KNL1: variants seen among roughly 807,000 people sequenced by gnomAD.
KNL1 encodes outer kinetochore KNL1 complex subunit KNL1.
Under a neutral mutation model 201.3 loss-of-function variants are expected in KNL1, and 66 were observed. That is an observed-to-expected ratio of 0.33 (90% CI 0.27 to 0.40). KNL1 has a LOEUF of 0.40. KNL1 is among the 10% of genes least tolerant of loss of function. KNL1 has a pLI of 1.00. For missense variants in KNL1, 2,815 were observed against 2,690.5 expected (o/e 1.05, Z -1.02); for synonymous variants, 895 against 899.2 (o/e 1.00, Z 0.08).
chr15:40,637,417 G>T (rs28829693), intron 13 of KNL1, among the ~76,000 whole-genome samples: 3 of 148,560 alleles, frequency 2.0e-5, no homozygotes. Context: ...TTAGGAAATA[G>T]ATAATGTCTG....
At position 40,617,933 on chromosome 15, in the gene KNL1, G is replaced by GA. The variant is rs1170810850; in HGVS notation, c.323-1020dup. On this transcript the variant is annotated intron_variant, in intron 8 of 25. Coordinates refer to ENST00000399668, the MANE Select transcript of KNL1 (RefSeq NM_144508.5). ...AATAGGTTCTGAACCAACATTTGTT[G>GA]AAAAAATGAATGGAAGCCTGAAATA... Among the ~76,000 whole-genome samples the GA allele has an allele frequency of 4.8e-5, 5 of 104,628 alleles. No homozygotes were observed. The South Asian group carries it at 9.8e-4, about 21-fold the overall frequency. The allele number at this position is 104,628 out of a possible 152,430, so 68.6% of individuals were successfully genotyped here.
At position 40,662,260 on chromosome 15, in the gene KNL1, G is replaced by C. The variant is rs1450821568; in HGVS notation, c.*72G>C. On this transcript the variant is annotated 3_prime_UTR_variant, in exon 26 of 26. Coordinates refer to ENST00000399668, the MANE Select transcript of KNL1 (RefSeq NM_144508.5). ...TATTTCAGGGTCCCATTGCTGTTCA[G>C]CCTTTGTTTTTACGTCATTACAAGC... The C allele has an allele frequency of 1.0e-5, 9 of 864,122 alleles. No homozygotes were observed. The East Asian group carries it at 2.2e-4, about 21-fold the overall frequency. The allele number at this position is 864,122 out of a possible 1,614,324, so 53.5% of individuals were successfully genotyped here.
chr15:40,655,750 TA>T (rs990767869), intron 22 of KNL1, among the ~76,000 whole-genome samples: 1 of 151,072 alleles, frequency 6.6e-6, no homozygotes, highest in Non-Finnish European at 1.5e-5. Flanking sequence ...CCGTCTCTAC[TA>T]AAAAATACAA....
chr15:40,632,804 G>A (rs916169376), intron 13 of KNL1, among the ~76,000 whole-genome samples: 2 of 152,134 alleles, frequency 1.3e-5, no homozygotes, highest in African/African-American at 2.4e-5. Flanking sequence ...AGGATTGCTT[G>A]AGCTCAGGAG....
chr15:40,596,245 A>G (rs1014651930), intron 1 of KNL1, among the ~76,000 whole-genome samples: 4 of 152,152 alleles, frequency 2.6e-5, no homozygotes, highest in Non-Finnish European at 5.9e-5. Flanking sequence ...ACAGAAATTG[A>G]AGGAAAATAT....
At chr15:40,617,109 G>A (rs755552449) in intron 8 of KNL1, among the ~76,000 whole-genome samples, 2 of 151,938 alleles carry the variant, frequency 1.3e-5, no homozygotes, top group Non-Finnish European at 2.9e-5. Context: ...CCACCAGGCC[G>A]AGCTGATTTT....
At position 40,602,480 on chromosome 15, in the gene KNL1, C is replaced by T. The variant is rs112657607; in HGVS notation, c.-17-435C>T. Among the ~76,000 whole-genome samples, 604 of 79,178 alleles carry T rather than the reference C, an allele frequency of 7.6e-3. 5 individuals are homozygous for T. Among genetic ancestry groups the T allele is most frequent in the African/African-American group, 0.029 (581 of 20,032 alleles). 51.9% of individuals were successfully genotyped at this position (79,178 alleles called of 152,430 possible). A position where few individuals can be genotyped will look rare whatever the true frequency, so the allele number is the denominator to read the frequency against. On this transcript the variant is annotated intron_variant, in intron 1 of 25. Transcript: ENST00000399668. ...CTTCATAATGTAGTTTTTTTCCTTC[C>T]TTTTTTTTTTTTTTTTTTTTTTGGA...
rs144239472 is a variant in KNL1 at position 40,661,809 on chromosome 15, G to C, written c.6837-265G>C. Reference sequence around the variant, plus strand: ...TGTAATCCCAGCACTTTGGGAGGCCGAGGTGGGTGGATCACAAGGCCAGGA... The same window carrying C: ...TGTAATCCCAGCACTTTGGGAGGCCCAGGTGGGTGGATCACAAGGCCAGGA... On this transcript the variant is annotated intron_variant, in intron 25 of 25. Coordinates refer to ENST00000399668, the MANE Select transcript of KNL1 (RefSeq NM_144508.5). 0.052 allele frequency among the ~76,000 whole-genome samples: 7,867 copies of C among 152,130 alleles called. 202 individuals carry two copies. Among genetic ancestry groups the C allele is most frequent in the East Asian group, 0.12 (604 of 5,148 alleles).
chr15:40,650,188 C>A, intron 17 of KNL1, 113 bp from the exon 18 acceptor site: 6 of 658,896 alleles, frequency 9.1e-6, no homozygotes, highest in Non-Finnish European at 1.5e-5. Context: ...ACCAAAGAAA[C>A]AATCTGTCGT....
At chr15:40,647,813 C>T (rs1893440188) in intron 17 of KNL1, among the ~76,000 whole-genome samples, 1 of 152,174 alleles carries the variant, frequency 6.6e-6, no homozygotes, top group Non-Finnish European at 1.5e-5. Flanking sequence ...AAATGTTCAT[C>T]TCCCTTAATC....
chr15:40,597,833 T>A (rs1595910265), intron 1 of KNL1, among the ~76,000 whole-genome samples: 1 of 152,344 alleles, frequency 6.6e-6, no homozygotes, highest in East Asian at 1.9e-4. Flanking sequence ...GATCTTGAGT[T>A]GATAGTAGTT....
At chr15:40,656,127 A>G (rs1225266890) in intron 22 of KNL1, among the ~76,000 whole-genome samples, 2 of 152,106 alleles carry the variant, frequency 1.3e-5, no homozygotes, top group African/African-American at 4.8e-5. Context: ...AGGATCACTT[A>G]GGTATTAAAG....
At chr15:40,642,794 A>G (rs147112023) in intron 14 of KNL1, 1 of 152,092 alleles carries the variant, frequency 6.6e-6, no homozygotes, top group Non-Finnish European at 1.5e-5. Flanking sequence ...TGCCAGGCTA[A>G]TTTTTGTATT....
Position 40,657,077 on chromosome 15 carries a change from A to G in KNL1, c.6520A>G (p.Lys2174Glu), listed in dbSNP as rs764385754. The stretch of plus-strand genomic sequence containing the variant: ...TCCTCCTTCCTCCCTTTTAGTTCAT[A>G]AGCTTATTTTCCAGTACGTTGAAGA... ...QAPPSSLLVHKLIFQYVEEKE... is the reference protein window; with the variant it reads ...QAPPSSLLVHELIFQYVEEKE... The change falls in exon 23 of 26, where the codon AAG becomes GAG. Residue 2174 changes from lysine (K) to glutamate (E), a missense_variant. Lys to Glu is a moderately conservative substitution (Grantham distance 56). Around this residue, in one of 3 missense-constraint regions of KNL1, gnomAD observed 334 missense variants for 362.6 expected, o/e 0.92. Transcript: ENST00000399668. 19 of 1,603,476 alleles carry G rather than the reference A, an allele frequency of 1.2e-5. No individual in the cohort carries two copies. Among genetic ancestry groups the G allele is most frequent in the Non-Finnish European group, 1.5e-5 (18 of 1,174,776 alleles).
At chr15:40,653,960 T>A (rs149256000) in intron 21 of KNL1, among the ~76,000 whole-genome samples, 280 of 152,314 alleles carry the variant, frequency 1.8e-3, no homozygotes, top group African/African-American at 6.3e-3. Flanking sequence ...TGTTGTATGT[T>A]CTTGCTTTCT....
chr15:40,602,865 G>T, intron 1 of KNL1, 50 bp from the exon 2 acceptor site: 1 of 1,015,578 alleles, frequency 9.8e-7, no homozygotes. Flanking sequence ...TTAGACTGTA[G>T]TTGCTCTTCC....
At chr15:40,647,840 A>G (rs1339451895) in intron 17 of KNL1, among the ~76,000 whole-genome samples, 1 of 152,182 alleles carries the variant, frequency 6.6e-6, no homozygotes, top group Non-Finnish European at 1.5e-5. Context: ...ATAATGCACT[A>G]TCTTGACCCA....
chr15:40,607,765 C>A (rs960974590), intron 4 of KNL1, among the ~76,000 whole-genome samples: 2 of 151,682 alleles, frequency 1.3e-5, no homozygotes, highest in Non-Finnish European at 1.5e-5. Context: ...TCACCTCACA[C>A]CCATTAGGAT....
At chr15:40,638,836 A>G (rs1186845271) in intron 13 of KNL1, among the ~76,000 whole-genome samples, 2 of 128,486 alleles carry the variant, frequency 1.6e-5, no homozygotes, top group Non-Finnish European at 3.2e-5. Flanking sequence ...TTTGAGACGC[A>G]GTTTCGCTCT....
Sources: allele counts gnomAD v4.1 joint callset (sites outside exome capture counted in the v4.1 genomes callset), GRCh38; gene constraint gnomAD v4.1.1; regional missense constraint gnomAD v4.1.1; transcripts MANE v1.5; gene names NCBI Gene and HGNC (gene_info 2026-07-23, HGNC 2026-07-21).